TRRAP: variants seen among roughly 807,000 people sequenced by gnomAD.
TRRAP encodes the protein transformation/transcription domain-associated protein.
In TRRAP, 41 loss-of-function variants were observed where a neutral mutation model predicts 438.8. That is an observed-to-expected ratio of 0.09 (90% CI 0.07 to 0.12). TRRAP has a LOEUF of 0.12. Among genes scored for constraint, TRRAP ranks in the 10% least tolerant of loss-of-function variants. The pLI, the probability that TRRAP is intolerant of heterozygous loss-of-function variation, is 1.00. For missense variants in TRRAP, 3,122 were observed against 5,055.1 expected, an observed-to-expected ratio of 0.62 and a Z score of 11.60; for synonymous variants, 1,994 against 1,962.9, an observed-to-expected ratio of 1.02 and a Z score of -0.42.
At chr7:98,920,608 G>A (rs933072887) in intron 20 of TRRAP, among the ~76,000 whole-genome samples, 8 of 152,112 alleles carry the variant, frequency 5.3e-5, no homozygotes, top group Admixed American at 3.3e-4. Flanking sequence ...TCTTAAATGC[G>A]GAGTCCACAT....
In TRRAP at chr7:98,951,013, A is replaced by G. The variant is rs200850647; in HGVS notation, c.5463+9A>G. On this transcript the variant is annotated intron_variant, in intron 39 of 72. Transcript: ENST00000456197. ...GTGTGTTTATTACCAAGGTGGTATC[A>G]CTATGTGTGTGGGTGTGAGAAGTAG... 1.3e-6 allele frequency: 2 copies of G among 1,565,562 alleles called. No individual in the cohort carries two copies. Among genetic ancestry groups the G allele is most frequent in the African/African-American group, 2.7e-5 (2 of 72,746 alleles).
intron 29 of TRRAP, among the ~76,000 whole-genome samples, 166 bp from the exon 30 acceptor site, chr7:98,937,484 A>G (rs1025863170): frequency 2.4e-4 from 36 of 152,364 alleles, no homozygotes; most frequent in African/African-American, 8.2e-4. Context: ...AACAGTAAAG[A>G]TAAGTCTCCA....
At chr7:98,941,821 A>G (rs1790810674) in intron 30 of TRRAP, among the ~76,000 whole-genome samples, 1 of 152,222 alleles carries the variant, frequency 6.6e-6, no homozygotes, top group South Asian at 2.1e-4. Flanking sequence ...TTCATTGGCC[A>G]CGTAAGGTTG....
At chr7:98,933,645 A>G (rs1043822127) in intron 27 of TRRAP, among the ~76,000 whole-genome samples, 1 of 152,208 alleles carries the variant, frequency 6.6e-6, no homozygotes, top group Admixed American at 6.5e-5. Context: ...GTTAGCCCCA[A>G]CAGGAATCTT....
chr7:98,892,692 A>C (rs782298605), intron 5 of TRRAP, among the ~76,000 whole-genome samples, 164 bp downstream of exon 5: 15 of 152,146 alleles, frequency 9.9e-5, no homozygotes, highest in Non-Finnish European at 1.8e-4. Context: ...CATTTCCTCC[A>C]CTCAGAAAGA....
intron 3 of TRRAP, among the ~76,000 whole-genome samples, chr7:98,883,691 T>A (rs1554403508): frequency 1.3e-5 from 2 of 152,124 alleles, no homozygotes. Context: ...TTTTTGTATA[T>A]TTTGTAGAGA....
intron 28 of TRRAP, among the ~76,000 whole-genome samples, chr7:98,936,920 G>T (rs1452641828): frequency 1.3e-5 from 2 of 152,142 alleles, no homozygotes; most frequent in African/African-American, 2.4e-5. Context: ...TTTGCTGGTT[G>T]GTAGGAGCCT....
At position 98,912,851 on chromosome 7, in the gene TRRAP, T is replaced by C. The variant is rs368798883; in HGVS notation, c.2199+638T>C. Among the ~76,000 whole-genome samples the C allele has an allele frequency of 1.2e-4, 19 of 152,264 alleles. 1 individual carries two copies. Among genetic ancestry groups the C allele is most frequent in the East Asian group, 7.7e-4 (4 of 5,188 alleles). ...CTTTTCAGGGAAAAAAAAACATCTTTATTGCAAGGTTGTTTGACAAGGAGA... is the reference window on the plus strand; with the variant it reads ...CTTTTCAGGGAAAAAAAAACATCTTCATTGCAAGGTTGTTTGACAAGGAGA... On this transcript the variant is annotated intron_variant, in intron 18 of 72. Coordinates refer to ENST00000456197, the MANE Select transcript of TRRAP (RefSeq NM_001375524.1).
At position 98,994,561 on chromosome 7, in the gene TRRAP, A is replaced by G. The variant is rs1482307732; in HGVS notation, c.10048-26A>G. ...TCTGGAGTGGAGGGCTGTGTTTGTC[A>G]GTTGTCTCTGGCTCTTTTCTACCAG... On this transcript the variant is annotated intron_variant, in intron 66 of 72. Coordinates refer to ENST00000456197, the MANE Select transcript of TRRAP (RefSeq NM_001375524.1). The surrounding 1 kb of genome is among the most constrained non-coding windows in gnomAD (Gnocchi z 4.8). 1 of 1,612,694 alleles carries G rather than the reference A, an allele frequency of 6.2e-7. No homozygotes were observed. The highest frequency in any genetic ancestry group is 1.3e-5 in the African/African-American group (1 of 74,866).
In TRRAP at chr7:98,948,201, T is replaced by C; in HGVS notation, c.4549-20T>C. 1 of 1,613,856 alleles carries C rather than the reference T, an allele frequency of 6.2e-7. No individual in the cohort carries two copies. The highest frequency in any genetic ancestry group is 8.5e-7 in the Non-Finnish European group (1 of 1,180,038). On this transcript the variant is annotated intron_variant, in intron 33 of 72. Coordinates refer to ENST00000456197, the MANE Select transcript of TRRAP (RefSeq NM_001375524.1). The surrounding 1 kb of genome is among the most constrained non-coding windows in gnomAD (Gnocchi z 4.9). ...GCAAAATTAATCGACCTGTTTATAA[T>C]TTCTGGTTTTCTTGATCAGGAAATG...
chr7:98,922,160 A>G (rs1771270621), intron 21 of TRRAP, among the ~76,000 whole-genome samples: 1 of 152,102 alleles, frequency 6.6e-6, no homozygotes, highest in South Asian at 2.1e-4. Context: ...ACTCTGGAGC[A>G]GCCCCCTCTC....
At chr7:98,928,720 T>A (rs782252706) in intron 23 of TRRAP, among the ~76,000 whole-genome samples, 5 of 152,122 alleles carry the variant, frequency 3.3e-5, no homozygotes, top group Non-Finnish European at 7.4e-5. Flanking sequence ...ATTTAATAAT[T>A]TTTTTAAAAA....
intron 56 of TRRAP, among the ~76,000 whole-genome samples, chr7:98,977,542 C>T (rs374695691): frequency 1.3e-5 from 2 of 152,208 alleles, no homozygotes; most frequent in South Asian, 2.1e-4. Flanking sequence ...TTAAGAGATA[C>T]CTACGTATAT....
Position 98,948,353 on chromosome 7 carries a change from C to T in TRRAP, c.4668+13C>T. On this transcript the variant is annotated intron_variant, in intron 34 of 72. Coordinates refer to ENST00000456197, the MANE Select transcript of TRRAP (RefSeq NM_001375524.1). The surrounding 1 kb of genome is among the most constrained non-coding windows in gnomAD (Gnocchi z 4.9). ...GATGCTGATCGAGGTAAGGGCCATA[C>T]TGAAGGCTGCTTCTCGCTCTGCCAC... 2 of 1,614,140 alleles carry T rather than the reference C, an allele frequency of 1.2e-6. No individual in the cohort carries two copies. Among genetic ancestry groups the T allele is most frequent in the Non-Finnish European group, 1.7e-6 (2 of 1,180,010 alleles).
chr7:98,993,081 C>T (rs895436712), intron 65 of TRRAP, among the ~76,000 whole-genome samples: 1 of 152,196 alleles, frequency 6.6e-6, no homozygotes, highest in African/African-American at 2.4e-5. Flanking sequence ...CTTTCCAAAC[C>T]AGTTTCCTAT....
intron 39 of TRRAP, among the ~76,000 whole-genome samples, chr7:98,952,015 G>A (rs376445236): frequency 1.3e-5 from 2 of 152,310 alleles, no homozygotes; most frequent in East Asian, 3.9e-4. Context: ...GTGGATGCAG[G>A]TGTGGGCCTG....
intron 3 of TRRAP, among the ~76,000 whole-genome samples, chr7:98,885,540 C>CT (rs1164299900): frequency 4.6e-5 from 7 of 151,542 alleles, no homozygotes; most frequent in Non-Finnish European, 8.8e-5. Context: ...AGTATTTTAG[C>CT]TTTTTTTTAA....
rs1416077884 is a variant in TRRAP at position 98,983,249 on chromosome 7, T to C, written c.8827-15T>C. The C allele has an allele frequency of 9.3e-6, 15 of 1,605,108 alleles. No individual in the cohort carries two copies. The highest frequency in any genetic ancestry group is 1.6e-4 in the Middle Eastern group (1 of 6,066). ...CTGACATTTACCGCAGAGTCTCTTATGCTGGTCCCATCAGGCAGCCCAGCA... is the reference window on the plus strand; with the variant it reads ...CTGACATTTACCGCAGAGTCTCTTACGCTGGTCCCATCAGGCAGCCCAGCA... On this transcript the variant is annotated splice_polypyrimidine_tract_variant and intron_variant, in intron 59 of 72. Coordinates refer to ENST00000456197, the MANE Select transcript of TRRAP (RefSeq NM_001375524.1).
At chr7:99,010,495 G>C (rs1224015998) in intron 70 of TRRAP, among the ~76,000 whole-genome samples, 1 of 152,208 alleles carries the variant, frequency 6.6e-6, no homozygotes, top group Non-Finnish European at 1.5e-5. Flanking sequence ...AAAAGACCCC[G>C]TAGATGGCCT....
Sources: gnomAD v4.1 joint callset for allele counts (sites outside exome capture counted in the v4.1 genomes callset) on GRCh38, gnomAD v4.1.1 for gene constraint, Gnocchi (gnomAD v3.1) non-coding constraint, MANE v1.5 for transcripts, NCBI Gene and HGNC (gene_info 2026-07-23, HGNC 2026-07-21) for gene names.